ST6GALNAC1: variants seen among roughly 807,000 people sequenced by gnomAD.
ST6GALNAC1 encodes the protein alpha-N-acetylgalactosaminide alpha-2,6-sialyltransferase 1.
Under a neutral mutation model 56.8 loss-of-function variants are expected in ST6GALNAC1, and 45 were observed. The ratio of observed to expected loss-of-function variants is 0.79; its 90% confidence interval spans 0.62 to 1.02. The LOEUF is 1.02. Ranked by LOEUF, ST6GALNAC1 falls within the 50% of genes least tolerant of loss-of-function variation. The pLI, the probability that ST6GALNAC1 is intolerant of heterozygous loss-of-function variation, is 0.00. For missense variants in ST6GALNAC1, 743 were observed against 754.8 expected (o/e 0.98, Z 0.18); for synonymous variants, 295 against 297.8 (o/e 0.99, Z 0.10).
chr17:76,631,915 A>G (rs1475862004), intron 1 of ST6GALNAC1, among the ~76,000 whole-genome samples: 1 of 152,158 alleles, frequency 6.6e-6, no homozygotes, highest in East Asian at 1.9e-4. Context: ...AATGCCACTC[A>G]ACACAGAGTG....
At position 76,635,975 on chromosome 17, in the gene ST6GALNAC1, C is replaced by T. The variant is rs1181353712; in HGVS notation, c.132-6264G>A. 2.6e-5 allele frequency among the ~76,000 whole-genome samples: 4 copies of T among 152,112 alleles called. No homozygotes were observed. The East Asian group carries it at 7.7e-4, about 29-fold the overall frequency. ...GGGATACTTTGGTATGTAGGGGTTA[C>T]CTAAGCTGAGTCTTTTTCTCCTGAG... On this transcript the variant is annotated intron_variant, in intron 1 of 8. Coordinates refer to ENST00000156626, the MANE Select transcript of ST6GALNAC1 (RefSeq NM_018414.5).
chr17:76,631,097 G>A (rs2075890976), intron 1 of ST6GALNAC1, among the ~76,000 whole-genome samples: 1 of 133,672 alleles, frequency 7.5e-6, no homozygotes, highest in Admixed American at 7.4e-5. Flanking sequence ...GTGTGTGTGT[G>A]CACGCGTGCG....
At position 76,643,664 on chromosome 17, in the gene ST6GALNAC1, G is replaced by T; in HGVS notation, c.-26C>A. 6.2e-7 allele frequency: 1 copy of T among 1,611,686 alleles called. No individual in the cohort carries two copies. Among genetic ancestry groups the T allele is most frequent in the Non-Finnish European group, 8.5e-7 (1 of 1,178,814 alleles). On this transcript the variant is annotated 5_prime_UTR_variant, in exon 1 of 9. Transcript: ENST00000156626. ...GGTGGTGGGTCGGGTTCTAGAGGAA[G>T]GTTCTGCATGTCCTGGGGCCTTGAT...
Position 76,625,401 on chromosome 17 carries a change from G to A in ST6GALNAC1, c.1732C>T (p.Arg578Trp), listed in dbSNP as rs867272064. The change falls in exon 9 of 9, where the codon CGG (arginine) becomes TGG (tryptophan). Residue 578 changes from arginine to tryptophan, a missense_variant. Physicochemically the swap from Arg to Trp is moderately radical, Grantham distance 101. Coordinates refer to ENST00000156626, the MANE Select transcript of ST6GALNAC1 (RefSeq NM_018414.5). ...DFKLEREVWK[R>W]LHDEGIIRLY... Reference sequence around the variant, plus strand: ...CGGATTATCCCTTCATCGTGTAGCCGCTTCCAGACTTCTCTCTCCAGCTTG... The same window carrying A: ...CGGATTATCCCTTCATCGTGTAGCCACTTCCAGACTTCTCTCTCCAGCTTG... 44 of 1,614,004 alleles carry A rather than the reference G, an allele frequency of 2.7e-5. No individual in the cohort carries two copies. Among genetic ancestry groups the A allele is most frequent in the South Asian group, 7.7e-5 (7 of 91,082 alleles).
downstream of ST6GALNAC1, among the ~76,000 whole-genome samples, chr17:76,623,872 C>T (rs1378440219): frequency 6.6e-6 from 1 of 152,174 alleles, no homozygotes; most frequent in Non-Finnish European, 1.5e-5. Flanking sequence ...TTGAGGAGGC[C>T]AATATGGGAG....
At chr17:76,634,809 G>A (rs1408642104) in intron 1 of ST6GALNAC1, among the ~76,000 whole-genome samples, 2 of 152,120 alleles carry the variant, frequency 1.3e-5, no homozygotes, top group African/African-American at 2.4e-5. Flanking sequence ...GCTTGAACTC[G>A]GGAGGCAGAG....
At chr17:76,632,979 G>A (rs984149658) in intron 1 of ST6GALNAC1, among the ~76,000 whole-genome samples, 5 of 152,202 alleles carry the variant, frequency 3.3e-5, no homozygotes, top group Non-Finnish European at 7.3e-5. Context: ...GCCGAGGCGG[G>A]CAGATCACCT....
downstream of ST6GALNAC1, among the ~76,000 whole-genome samples, chr17:76,622,055 T>G (rs754330851): frequency 4.0e-5 from 6 of 150,764 alleles, no homozygotes; most frequent in Non-Finnish European, 8.9e-5. Context: ...TGCCTCAGCC[T>G]CCCAAAGTCC....
Position 76,629,525 on chromosome 17 carries a change from C to G in ST6GALNAC1, c.318G>C (p.Gln106His), listed in dbSNP as rs751250074. The G allele has an allele frequency of 6.2e-7, 1 of 1,613,906 alleles. No homozygotes were observed. Among genetic ancestry groups the G allele is most frequent in the Non-Finnish European group, 8.5e-7 (1 of 1,180,020 alleles). ...TTGDRGKEAN[Q>H]APPEEQDKVP... ...CCTTGTCCTGCTCCTCCGGCGGTGC[C>G]TGGTTGGCCTCCTTTCCTCTGTCTC... Residue 106 changes from glutamine (Q) to histidine (H), a missense_variant, in exon 2 of 9, where the codon CAG becomes CAC. Gln to His is a conservative substitution (Grantham distance 24). Transcript: ENST00000156626.
chr17:76,625,627 G>A (rs2075785840), intron 8 of ST6GALNAC1, 100 bp from the exon 9 acceptor site: 3 of 1,417,562 alleles, frequency 2.1e-6, no homozygotes, highest in African/African-American at 1.4e-5. Context: ...TCTTTTCCCT[G>A]GCTCCGTCCC....
At chr17:76,628,942 G>A (rs990610241) in intron 2 of ST6GALNAC1, 70 bp downstream of exon 2, 1 of 1,387,138 alleles carries the variant, frequency 7.2e-7, no homozygotes, top group Admixed American at 2.3e-5. Flanking sequence ...GGAGAGGGTG[G>A]GCTGGGCTTC....
chr17:76,632,089 G>A (rs953211207), intron 1 of ST6GALNAC1, among the ~76,000 whole-genome samples: 24 of 152,054 alleles, frequency 1.6e-4, no homozygotes, highest in African/African-American at 5.5e-4. Flanking sequence ...CAAAAACCAA[G>A]CTGTTCACCC....
intron 1 of ST6GALNAC1, among the ~76,000 whole-genome samples, chr17:76,639,363 G>A (rs1014381424): frequency 6.6e-6 from 1 of 152,026 alleles, no homozygotes; most frequent in Non-Finnish European, 1.5e-5. Flanking sequence ...ATCACTTGAG[G>A]CCAGGAGTTC....
At chr17:76,618,165 G>C in the ST6GALNAC1 span, among the ~76,000 whole-genome samples, 1 of 152,224 alleles carries the variant, frequency 6.6e-6, no homozygotes, top group Non-Finnish European at 1.5e-5. Context: ...AAGCAGGTCA[G>C]ACAATAAGCA....
chr17:76,620,419 G>T (rs1407331273), downstream of ST6GALNAC1, among the ~76,000 whole-genome samples: 5 of 152,020 alleles, frequency 3.3e-5, no homozygotes, highest in Admixed American at 3.3e-4. Flanking sequence ...TATTTTTTGG[G>T]TATGTAAAGT....
At chr17:76,637,443 C>T (rs1042809606) in intron 1 of ST6GALNAC1, 1 of 354,310 alleles carries the variant, frequency 2.8e-6, no homozygotes, top group Non-Finnish European at 5.0e-6. Flanking sequence ...TACACCACCC[C>T]CTCCTCAACC....
intron 1 of ST6GALNAC1, among the ~76,000 whole-genome samples, chr17:76,642,764 C>T (rs1598313693): frequency 6.6e-6 from 1 of 152,016 alleles, no homozygotes; most frequent in East Asian, 1.9e-4. Flanking sequence ...AAACCTGTCT[C>T]TACTAAAAAT....
Position 76,627,470 on chromosome 17 carries a change from C to T in ST6GALNAC1, c.945G>A (p.Trp315Ter), listed in dbSNP as rs1567953421. Residue 315 changes from tryptophan to a stop codon, truncating the protein, a stop_gained, in exon 3 of 9, where the codon TGG (tryptophan) becomes TGA (stop). Transcript: ENST00000156626. LOFTEE classifies it high-confidence loss of function. This position sits in a 1 kb window ranked among gnomAD's most constrained non-coding sequence, Gnocchi z 4.4. ...GTGGTGCAAAGTGTTCCAGGCGGTC[C>T]CACTCACTCTGGTTGAAGTGTCTGG... ...LDSRHFNQSE[W>*]DRLEHFAPPF... is the part of the protein sequence containing the mutation. 25 of 1,614,160 alleles carry T rather than the reference C, an allele frequency of 1.5e-5. No homozygotes were observed. The highest frequency in any genetic ancestry group is 2.1e-5 in the Non-Finnish European group (25 of 1,180,032).
At chr17:76,620,041 G>A (rs1006385968), downstream of ST6GALNAC1, among the ~76,000 whole-genome samples, 1 of 149,306 alleles carries the variant, frequency 6.7e-6, no homozygotes, top group African/African-American at 2.5e-5. Flanking sequence ...ACTGTGCCCG[G>A]CCTTTTTAAA....
Sources: allele counts gnomAD v4.1 joint callset (sites outside exome capture counted in the v4.1 genomes callset), GRCh38; gene constraint gnomAD v4.1.1; non-coding constraint Gnocchi (gnomAD v3.1); transcripts MANE v1.5; gene names NCBI Gene and HGNC (gene_info 2026-07-23, HGNC 2026-07-21).